MPP3: variants seen among roughly 807,000 people sequenced by gnomAD.
MPP3 encodes MAGUK p55 scaffold protein 3, also known as MAGUK p55 subfamily member 3.
MPP3 carries 48 observed loss-of-function variants against 80.7 expected under a neutral mutation model. The ratio of observed to expected loss-of-function variants is 0.59; its 90% CI spans 0.47 to 0.76. The LOEUF is 0.76. Among genes scored for constraint, MPP3 ranks in the 30% least tolerant of loss-of-function variants. The pLI is 0.00. For synonymous variants in MPP3, 311 were observed against 297.6 expected (o/e 1.04, Z -0.46); for missense variants, 620 against 763.0 (o/e 0.81, Z 2.21).
chr17:43,802,063 A>G (rs1179463955), intron 19 of MPP3, among the ~76,000 whole-genome samples, 186 bp from the exon 20 acceptor site: 1 of 152,226 alleles, frequency 6.6e-6, no homozygotes, highest in East Asian at 1.9e-4. Context: ...AACTTCAAAG[A>G]AAGTTAATGG....
chr17:43,821,603 G>A (rs11079838), intron 10 of MPP3, among the ~76,000 whole-genome samples: 43,849 of 151,946 alleles, frequency 0.29, 7,968 homozygotes, highest in African/African-American at 0.51. Context: ...ATCCTGCCTC[G>A]TCTGCCATAG....
At chr17:43,816,285 C>T (rs976200035) in intron 13 of MPP3, among the ~76,000 whole-genome samples, 11 of 152,234 alleles carry the variant, frequency 7.2e-5, no homozygotes, top group Non-Finnish European at 1.2e-4. Context: ...CCCTAACAGC[C>T]TTTCCAGGCC....
chr17:43,808,364 C>A (rs1003784337), intron 19 of MPP3, among the ~76,000 whole-genome samples: 1 of 152,184 alleles, frequency 6.6e-6, no homozygotes, highest in African/African-American at 2.4e-5. Context: ...AGATGAGTCA[C>A]CAAGCCCACA....
intron 16 of MPP3, 56 bp downstream of exon 16, chr17:43,813,955 C>T (rs1412613941): frequency 3.5e-5 from 48 of 1,388,910 alleles, no homozygotes; most frequent in Non-Finnish European, 4.8e-5. Context: ...GTTAAGTCTC[C>T]ATGGAATATT....
intron 19 of MPP3, among the ~76,000 whole-genome samples, chr17:43,803,663 G>A (rs1231037527): frequency 6.6e-6 from 1 of 152,214 alleles, no homozygotes; most frequent in African/African-American, 2.4e-5. Context: ...ATGCCTTTGT[G>A]AGGAATTTCT....
At chr17:43,829,283 C>T (rs1431977141) in intron 7 of MPP3, among the ~76,000 whole-genome samples, 1 of 152,206 alleles carries the variant, frequency 6.6e-6, no homozygotes, top group African/African-American at 2.4e-5. Flanking sequence ...AAGGCAGCCA[C>T]AGCCAATCTG....
chr17:43,825,360 G>A (rs1286931059), intron 9 of MPP3: 4 of 169,084 alleles, frequency 2.4e-5, no homozygotes, highest in Non-Finnish European at 3.8e-5. Context: ...CACATTGGTT[G>A]AGAAAGAAAC....
At position 43,818,046 on chromosome 17, in the gene MPP3, AG is replaced by A. The variant is rs767585636; in HGVS notation, c.945del (p.Tyr316MetfsTer54). 1 of 1,582,280 alleles carries A rather than the reference AG, an allele frequency of 6.3e-7. No individual in the cohort carries two copies. Among genetic ancestry groups the A allele is most frequent in the Non-Finnish European group, 8.6e-7 (1 of 1,164,038 alleles). On this transcript the variant is annotated frameshift_variant and splice_region_variant, in exon 12 of 20. Coordinates refer to ENST00000398389, the MANE Select transcript of MPP3 (RefSeq NM_001932.6). LOFTEE classifies it high-confidence loss of function. ...LPSPQSLRKP[P>X]YDQPCDKETC... ...GTGCCATCCCTGACAATCTACTCAC[AG>A]GGGGGCTTCCTGAGGCTCTGGGGGC... is the stretch of plus-strand genomic sequence containing the variant.
chr17:43,804,728 A>C (rs2044544658), intron 19 of MPP3, among the ~76,000 whole-genome samples: 1 of 152,212 alleles, frequency 6.6e-6, no homozygotes, highest in Admixed American at 6.5e-5. Context: ...GCCTCAAAGG[A>C]TGCTATCAAG....
At chr17:43,810,001 G>A (rs1312162555) in intron 18 of MPP3, among the ~76,000 whole-genome samples, 1 of 152,190 alleles carries the variant, frequency 6.6e-6, no homozygotes, top group Non-Finnish European at 1.5e-5. Context: ...TCAATAAAGT[G>A]ATCAATAAAA....
intron 14 of MPP3, among the ~76,000 whole-genome samples, chr17:43,814,997 A>G (rs2045046968): frequency 6.6e-6 from 1 of 152,216 alleles, no homozygotes; most frequent in Non-Finnish European, 1.5e-5. Context: ...AGTTCTTTGT[A>G]TAATTCTTAC....
chr17:43,825,476 C>G, intron 9 of MPP3: 2 of 359,318 alleles, frequency 5.6e-6, no homozygotes, highest in Non-Finnish European at 5.1e-6. Context: ...CACCCAGGAC[C>G]CAGGACCCAG....
chr17:43,803,849 G>A (rs1172855283), intron 19 of MPP3, among the ~76,000 whole-genome samples: 3 of 152,198 alleles, frequency 2.0e-5, no homozygotes, highest in African/African-American at 7.2e-5. Context: ...CACAGCTGCA[G>A]TGTGGTGGAG....
rs1013672300 is a variant in MPP3, at chr17:43,831,158, C to T, written c.222+86G>A. 2.3e-6 allele frequency: 3 copies of T among 1,285,120 alleles called. No individual in the cohort carries two copies. In the Admixed American group the frequency reaches 5.2e-5, roughly 22 times the overall value. 79.6% of individuals were successfully genotyped at this position (1,285,120 alleles called of 1,614,324 possible). ...CTTTGGGCTCCTGATTCCCGGTGTC[C>T]CCACACTAAGCAAGCGAGGCAAGAT... On this transcript the variant is annotated intron_variant, in intron 5 of 19. Transcript: ENST00000398389.
chr17:43,814,830 T>C (rs1332644390), intron 14 of MPP3, among the ~76,000 whole-genome samples: 1 of 152,202 alleles, frequency 6.6e-6, no homozygotes, highest in Non-Finnish European at 1.5e-5. Flanking sequence ...TCCTTGGCCT[T>C]AGGAAATACA....
chr17:43,807,719 G>A (rs1209746031), intron 19 of MPP3, among the ~76,000 whole-genome samples: 2 of 152,170 alleles, frequency 1.3e-5, no homozygotes, highest in African/African-American at 4.8e-5. Flanking sequence ...ACTTTGGGAA[G>A]CTGAGGCAGG....
chr17:43,820,225 G>T (rs1019830676), intron 11 of MPP3, among the ~76,000 whole-genome samples: 1 of 152,100 alleles, frequency 6.6e-6, no homozygotes, highest in African/African-American at 2.4e-5. Flanking sequence ...GATTACAGGC[G>T]TGAGTCATCA....
intron 5 of MPP3, 117 bp downstream of exon 5, chr17:43,831,127 C>T (rs2045938095): frequency 1.1e-6 from 1 of 942,832 alleles, no homozygotes; most frequent in Non-Finnish European, 1.7e-6. Context: ...GAAAACACCT[C>T]TTCACCTTTG....
chr17:43,806,323 G>A (rs946061617), intron 19 of MPP3, among the ~76,000 whole-genome samples: 2 of 151,142 alleles, frequency 1.3e-5, no homozygotes, highest in Non-Finnish European at 1.5e-5. Flanking sequence ...CTGCCACCAC[G>A]CCCAGCTAAT....
Sources: gnomAD v4.1 joint callset for allele counts (sites outside exome capture counted in the v4.1 genomes callset) on GRCh38, gnomAD v4.1.1 for gene constraint, MANE v1.5 for transcripts, NCBI Gene and HGNC (gene_info 2026-07-23, HGNC 2026-07-21) for gene names.